BNIP2: variants seen among roughly 807,000 people sequenced by gnomAD.
BNIP2 encodes the protein BCL2 interacting protein 2, also known as BCL2/adenovirus E1B 19 kDa protein-interacting protein 2.
In BNIP2, 36 loss-of-function variants were observed where a neutral mutation model predicts 43.4. The ratio of observed to expected loss-of-function variants is 0.83; its 90% CI spans 0.64 to 1.10. The LOEUF is 1.10. BNIP2 is among the 50% of genes least tolerant of loss of function. BNIP2 has a pLI of 0.00. For missense variants in BNIP2, 417 were observed against 374.1 expected (o/e 1.11, Z -0.95); for synonymous variants, 146 against 121.0 (o/e 1.21, Z -1.35).
rs539808349 is a variant in BNIP2 at position 59,662,659 on chromosome 15, G to A, written c.*1410C>T. On this transcript the variant is annotated 3_prime_UTR_variant, in exon 10 of 10. Transcript: ENST00000607373. ...TCTAGGATAGACTAAATCTTGAAAGGTTAGCTCACATCCACTTCAATTTTG... is the reference window on the plus strand; with the variant it reads ...TCTAGGATAGACTAAATCTTGAAAGATTAGCTCACATCCACTTCAATTTTG... 26 of 152,306 alleles carry A rather than the reference G, an allele frequency of 1.7e-4. No homozygotes were observed. The highest frequency in any genetic ancestry group is 1.5e-3 in the Admixed American group (23 of 15,298). 9.4% of individuals were successfully genotyped at this position (152,306 alleles called of 1,614,324 possible). A position where few individuals can be genotyped will look rare whatever the true frequency, so the allele number is the denominator to read the frequency against.
chr15:59,673,466 C>A (rs1264289958), intron 5 of BNIP2, among the ~76,000 whole-genome samples: 1 of 151,614 alleles, frequency 6.6e-6, no homozygotes, highest in Non-Finnish European at 1.5e-5. Context: ...TGCTCCATTG[C>A]CCAGGATGGA....
At chr15:59,680,146 A>G in intron 3 of BNIP2, 95 bp downstream of exon 3, 1 of 1,042,964 alleles carries the variant, frequency 9.6e-7, no homozygotes, top group South Asian at 1.9e-5. Context: ...GATGGAATAA[A>G]AACTCAAGTT....
At chr15:59,673,814 G>A (rs1194158311) in intron 5 of BNIP2, among the ~76,000 whole-genome samples, 1 of 152,056 alleles carries the variant, frequency 6.6e-6, no homozygotes, top group African/African-American at 2.4e-5. Flanking sequence ...TAGGCCGGGC[G>A]AGGTGGCTCA....
chr15:59,686,666 T>C (rs1894033235), intron 1 of BNIP2, among the ~76,000 whole-genome samples: 1 of 152,192 alleles, frequency 6.6e-6, no homozygotes, highest in Non-Finnish European at 1.5e-5. Flanking sequence ...AGACATGTGC[T>C]TGTCATTGCT....
At chr15:59,678,395 T>G (rs1159548653) in intron 4 of BNIP2, 2 of 1,086,872 alleles carry the variant, frequency 1.8e-6, no homozygotes, top group Non-Finnish European at 2.2e-6. Flanking sequence ...TACACTGGCC[T>G]TACAATGCCT....
At chr15:59,676,795 C>G in intron 5 of BNIP2, 2 of 1,516,594 alleles carry the variant, frequency 1.3e-6, no homozygotes, top group Non-Finnish European at 1.8e-6. Flanking sequence ...TCTGCGGTGG[C>G]CGCCTGGCCC....
At chr15:59,667,677 A>G (rs1373026151) in intron 9 of BNIP2, among the ~76,000 whole-genome samples, 1 of 152,256 alleles carries the variant, frequency 6.6e-6, no homozygotes, top group Non-Finnish European at 1.5e-5. Context: ...CATTGCAAAT[A>G]TAATAATCAA....
At position 59,668,877 on chromosome 15, in the gene BNIP2, TAAAAC is replaced by T. The variant is rs756466016; in HGVS notation, c.893+10_893+14del. The stretch of plus-strand genomic sequence containing the variant: ...TTAAGATCCAATACAATTAAGGAAA[TAAAAC>T]AAAACATACTGTTTTATGCATTCTG... On this transcript the variant is annotated intron_variant, in intron 9 of 9. Coordinates refer to ENST00000607373, the MANE Select transcript of BNIP2 (RefSeq NM_004330.4). The T allele has an allele frequency of 4.4e-6, 7 of 1,597,120 alleles. No individual in the cohort carries two copies. The highest frequency in any genetic ancestry group is 6.0e-6 in the Non-Finnish European group (7 of 1,167,022).
intron 1 of BNIP2, among the ~76,000 whole-genome samples, chr15:59,683,356 G>T (rs1220783878): frequency 2.0e-5 from 3 of 152,180 alleles, no homozygotes; most frequent in Non-Finnish European, 4.4e-5. Context: ...ACTATAGAAG[G>T]AAAGAGGTAT....
At chr15:59,668,555 G>T (rs1411924870) in intron 9 of BNIP2, among the ~76,000 whole-genome samples, 1 of 152,132 alleles carries the variant, frequency 6.6e-6, no homozygotes, top group African/African-American at 2.4e-5. Context: ...CAAATTTGTT[G>T]AGCACTATGT....
At chr15:59,664,830 A>T (rs1212512229) in intron 9 of BNIP2, among the ~76,000 whole-genome samples, 1 of 152,360 alleles carries the variant, frequency 6.6e-6, no homozygotes, top group Non-Finnish European at 1.5e-5. Context: ...AATGCCATGA[A>T]GGCCACCAAT....
At position 59,659,989 on chromosome 15, in the gene BNIP2, T is replaced by C. The variant is rs572951331; in HGVS notation, c.*4080A>G. 13 of 152,346 alleles carry C rather than the reference T, an allele frequency of 8.5e-5. No homozygotes were observed. The highest frequency in any genetic ancestry group is 2.6e-4 in the Admixed American group (4 of 15,304). 9.4% of individuals were successfully genotyped at this position (152,346 alleles called of 1,614,324 possible). ...AAAGTTACATAACTGGGTCTCACCA[T>C]TGATCTGATTCTAAGTTCATTCAGA... On this transcript the variant is annotated 3_prime_UTR_variant, in exon 10 of 10. Transcript: ENST00000607373.
chr15:59,666,180 G>T (rs1892556153), intron 9 of BNIP2, among the ~76,000 whole-genome samples: 1 of 152,000 alleles, frequency 6.6e-6, no homozygotes, highest in Non-Finnish European at 1.5e-5. Flanking sequence ...GGGGACACTG[G>T]ATCTCCCTGT....
Position 59,664,019 on chromosome 15 carries a change from C to A in BNIP2, c.*50G>T. The A allele has an allele frequency of 7.3e-7, 1 of 1,373,456 alleles. No homozygotes were observed. The highest frequency in any genetic ancestry group is 9.9e-7 in the Non-Finnish European group (1 of 1,006,376). 85.1% of individuals were successfully genotyped at this position (1,373,456 alleles called of 1,614,324 possible). A position where few individuals can be genotyped will look rare whatever the true frequency, so the allele number is the denominator to read the frequency against. ...AAATGCATTATGAATGCAGAAACAG[C>A]ACTGCTCCATCAGCACATTCTTCAG... On this transcript the variant is annotated 3_prime_UTR_variant, in exon 10 of 10. Transcript: ENST00000607373.
Position 59,678,025 on chromosome 15 carries a change from C to T in BNIP2, c.358G>A (p.Ala120Thr), listed in dbSNP as rs762065631. 1.2e-6 allele frequency: 2 copies of T among 1,613,928 alleles called. No homozygotes were observed. Among genetic ancestry groups the T allele is most frequent in the East Asian group, 2.2e-5 (1 of 44,878 alleles). ...IRKGSITEYT[A>T]AEEKEDGRRW... ...CGTCCATCTTCTTTTTCCTCTGCTGCTGTGTATTCAGTAATTGAGCCTTTC... is the reference window on the plus strand; with the variant it reads ...CGTCCATCTTCTTTTTCCTCTGCTGTTGTGTATTCAGTAATTGAGCCTTTC... The change falls in exon 5 of 10, where the codon GCA (alanine) becomes ACA (threonine). Residue 120 changes from alanine (A) to threonine (T), a missense_variant. Physicochemically the swap from Ala to Thr is moderately conservative, Grantham distance 58. Transcript: ENST00000607373.
At position 59,689,123 on chromosome 15, in the gene BNIP2, G is replaced by C. The variant is rs1894216683; in HGVS notation, c.-58+12C>G. On this transcript the variant is annotated intron_variant, in intron 1 of 9. Coordinates refer to ENST00000607373, the MANE Select transcript of BNIP2 (RefSeq NM_004330.4). ...GGAGCCACCGTGCCGAGTTCTCCCAGGCCGCACTCACCCCGGAGGAAGCCT... is the reference window on the plus strand; with the variant it reads ...GGAGCCACCGTGCCGAGTTCTCCCACGCCGCACTCACCCCGGAGGAAGCCT... 1.3e-6 allele frequency: 2 copies of C among 1,534,932 alleles called. No individual in the cohort carries two copies. Among genetic ancestry groups the C allele is most frequent in the Non-Finnish European group, 1.7e-6 (2 of 1,145,684 alleles).
chr15:59,665,962 AT>A (rs1892544187), intron 9 of BNIP2, among the ~76,000 whole-genome samples: 2 of 112,040 alleles, frequency 1.8e-5, no homozygotes, highest in Admixed American at 1.8e-4. Context: ...AAATATTGTT[AT>A]AAAAAATTTG....
rs866755987 is a variant in BNIP2 at position 59,663,116 on chromosome 15, G to A, written c.*953C>T. ...TTTTGGTAAAGTGCCCATAGTGAGA[G>A]TTTAAAAAGCAGCCCCTGTTTTCTA... On this transcript the variant is annotated 3_prime_UTR_variant, in exon 10 of 10. Coordinates refer to ENST00000607373, the MANE Select transcript of BNIP2 (RefSeq NM_004330.4). 6.6e-5 allele frequency: 10 copies of A among 152,614 alleles called. No homozygotes were observed. The highest frequency in any genetic ancestry group is 1.3e-4 in the Non-Finnish European group (9 of 68,030). 9.5% of individuals were successfully genotyped at this position (152,614 alleles called of 1,614,324 possible). A position where few individuals can be genotyped will look rare whatever the true frequency, so the allele number is the denominator to read the frequency against.
At chr15:59,676,822 CT>C (rs1893328661) in intron 5 of BNIP2, 1 of 1,543,152 alleles carries the variant, frequency 6.5e-7, no homozygotes, top group Non-Finnish European at 8.8e-7. Context: ...GCCGCTACTA[CT>C]TCCCTTCCTG....
Sources: gnomAD v4.1 joint callset for allele counts (sites outside exome capture counted in the v4.1 genomes callset) on GRCh38, gnomAD v4.1.1 for gene constraint, MANE v1.5 for transcripts, NCBI Gene and HGNC (gene_info 2026-07-23, HGNC 2026-07-21) for gene names.